CMIP: variants seen among roughly 807,000 people sequenced by gnomAD.
CMIP encodes the protein C-Maf-inducing protein.
A neutral mutation model predicts 97.3 loss-of-function variants in CMIP; 13 were observed. That is an observed-to-expected ratio of 0.13 (90% CI 0.09 to 0.21). CMIP has a LOEUF of 0.21. CMIP is among the 10% of genes least tolerant of loss of function. CMIP has a pLI of 1.00. For synonymous variants in CMIP, 538 were observed against 436.3 expected (o/e 1.23, Z -2.91); for missense variants, 847 against 1,024.9 (o/e 0.83, Z 2.37).
rs1336708854 is a variant in CMIP, at chr16:81,445,964, T to A, written c.300+423T>A. Among the ~76,000 whole-genome samples the A allele has an allele frequency of 7.6e-5, 11 of 145,366 alleles. No individual in the cohort carries two copies. In the East Asian group the frequency reaches 1.4e-3, roughly 18 times the overall value. On this transcript the variant is annotated intron_variant, in intron 1 of 20. Coordinates refer to ENST00000537098, the MANE Select transcript of CMIP (RefSeq NM_198390.3). ...AAAACAAAATACCACCCCTCAGATT[T>A]AAAAAAAAAAACAAACAACACAACA...
At chr16:81,445,813 C>A (rs1905797687) in intron 1 of CMIP, among the ~76,000 whole-genome samples, 1 of 151,934 alleles carries the variant, frequency 6.6e-6, no homozygotes, top group Non-Finnish European at 1.5e-5. Context: ...TGGGGACCTT[C>A]TGCCCCCAGC....
intron 1 of CMIP, among the ~76,000 whole-genome samples, chr16:81,579,952 T>C (rs1373211579): frequency 6.6e-6 from 1 of 152,150 alleles, no homozygotes; most frequent in Non-Finnish European, 1.5e-5. Flanking sequence ...AGTGCGAGAC[T>C]CCGTCTCAAA....
chr16:81,490,307 G>T (rs1597471066), intron 1 of CMIP, among the ~76,000 whole-genome samples: 1 of 152,334 alleles, frequency 6.6e-6, no homozygotes, highest in East Asian at 1.9e-4. Context: ...TGATGCTATT[G>T]TAACAAACCA....
chr16:81,513,236 G>A (rs570079780), intron 1 of CMIP, among the ~76,000 whole-genome samples: 2 of 152,324 alleles, frequency 1.3e-5, no homozygotes, highest in East Asian at 1.9e-4. Flanking sequence ...GCCTGCATCC[G>A]TTGCTGCTCA....
rs1456154879 is a variant in CMIP at position 81,667,811 on chromosome 16, T to A, written c.826-2331T>A. Reference sequence around the variant, plus strand: ...GAGAGAGAGAGAGAGTGTGTGTGTGTGTGTGTGTGTGTGTGTGTGTGTGTG... The same window carrying A: ...GAGAGAGAGAGAGAGTGTGTGTGTGAGTGTGTGTGTGTGTGTGTGTGTGTG... On this transcript the variant is annotated intron_variant, in intron 7 of 20. Coordinates refer to ENST00000537098, the MANE Select transcript of CMIP (RefSeq NM_198390.3). Among the ~76,000 whole-genome samples the A allele has an allele frequency of 3.4e-3, 490 of 142,162 alleles. 2 individuals are homozygous for A. The highest frequency in any genetic ancestry group is 0.012 in the African/African-American group (446 of 38,268). The allele number at this position is 142,162 out of a possible 152,430, so 93.3% of individuals were successfully genotyped here.
chr16:81,549,107 G>C (rs1346974044), intron 1 of CMIP, among the ~76,000 whole-genome samples: 4 of 152,194 alleles, frequency 2.6e-5, no homozygotes, highest in Non-Finnish European at 4.4e-5. Context: ...ATGTGTAGTA[G>C]GTAGTCAGGG....
intron 1 of CMIP, among the ~76,000 whole-genome samples, chr16:81,557,817 C>T (rs199830818): frequency 2.0e-5 from 3 of 152,268 alleles, no homozygotes; most frequent in East Asian, 3.9e-4. Context: ...TTCACCAAAT[C>T]GGAGGTGTTT....
At chr16:81,707,885 C>T (rs956923056) in intron 20 of CMIP, among the ~76,000 whole-genome samples, 2 of 152,242 alleles carry the variant, frequency 1.3e-5, no homozygotes, top group African/African-American at 4.8e-5. Context: ...CACCCGTGAG[C>T]CACGCTGGCA....
At chr16:81,535,324 C>G (rs887503962) in intron 1 of CMIP, among the ~76,000 whole-genome samples, 1 of 152,064 alleles carries the variant, frequency 6.6e-6, no homozygotes, top group African/African-American at 2.4e-5. Context: ...AGCAACCTGC[C>G]CAAGGTCACA....
intron 1 of CMIP, among the ~76,000 whole-genome samples, chr16:81,537,727 A>G (rs2090372545): frequency 6.6e-6 from 1 of 151,628 alleles, no homozygotes; most frequent in Non-Finnish European, 1.5e-5. Flanking sequence ...AAGAAAAGAA[A>G]TGCCCCAAAT....
intron 1 of CMIP, among the ~76,000 whole-genome samples, chr16:81,521,827 C>A (rs1038457192): frequency 6.6e-6 from 1 of 152,014 alleles, no homozygotes; most frequent in Admixed American, 6.6e-5. Context: ...GGGAGTTGGC[C>A]GAGATTAGGG....
intron 10 of CMIP, among the ~76,000 whole-genome samples, chr16:81,687,081 G>T (rs1905482747): frequency 6.6e-6 from 1 of 152,204 alleles, no homozygotes; most frequent in Non-Finnish European, 1.5e-5. Context: ...GCACCTGGTG[G>T]CACTTGCTAG....
intron 7 of CMIP, 75 bp from the exon 8 acceptor site, chr16:81,670,067 T>G: frequency 7.1e-7 from 1 of 1,418,372 alleles, no homozygotes; most frequent in South Asian, 1.3e-5. Flanking sequence ...CGCCCTTCTT[T>G]CTGGTGTCCT....
intron 1 of CMIP, among the ~76,000 whole-genome samples, chr16:81,502,378 A>G (rs1479665600): frequency 1.3e-5 from 2 of 152,182 alleles, no homozygotes. Context: ...TTGAGTATTC[A>G]GGACAATCCT....
chr16:81,532,129 G>T (rs1289276048), intron 1 of CMIP, among the ~76,000 whole-genome samples: 1 of 152,214 alleles, frequency 6.6e-6, no homozygotes, highest in East Asian at 1.9e-4. Context: ...AAGAAGCGAG[G>T]TGCGCAAGGT....
chr16:81,538,370 A>C (rs1327356495), intron 1 of CMIP, among the ~76,000 whole-genome samples: 3 of 152,128 alleles, frequency 2.0e-5, no homozygotes. Context: ...GCCGAATTTC[A>C]CTCTAAGGGG....
intron 1 of CMIP, among the ~76,000 whole-genome samples, chr16:81,513,542 C>T (rs2089853679): frequency 6.6e-6 from 1 of 152,224 alleles, no homozygotes; most frequent in Admixed American, 6.5e-5. Flanking sequence ...TCGGGGACAC[C>T]TTCCTGGGGC....
At chr16:81,461,484 A>G (rs1237514289) in intron 1 of CMIP, among the ~76,000 whole-genome samples, 1 of 152,176 alleles carries the variant, frequency 6.6e-6, no homozygotes, top group African/African-American at 2.4e-5. Context: ...CTTCCCAGTG[A>G]GCTCAGAGAC....
intron 3 of CMIP, among the ~76,000 whole-genome samples, chr16:81,632,464 C>T (rs1226588582): frequency 6.6e-6 from 1 of 152,214 alleles, no homozygotes; most frequent in Non-Finnish European, 1.5e-5. Flanking sequence ...TGCAGTAGCA[C>T]ACAAATCCAC....
Sources: gnomAD v4.1 joint callset for allele counts (sites outside exome capture counted in the v4.1 genomes callset) on GRCh38, gnomAD v4.1.1 for gene constraint, MANE v1.5 for transcripts, NCBI Gene and HGNC (gene_info 2026-07-23, HGNC 2026-07-21) for gene names.